CAPN10: variants seen among roughly 807,000 people sequenced by gnomAD.
CAPN10 encodes the protein calpain-10.
CAPN10 carries 71 observed loss-of-function variants against 78.4 expected under a neutral mutation model. The observed-to-expected ratio is 0.91, with a 90% CI of 0.75 to 1.10. The LOEUF (loss-of-function observed/expected upper bound fraction) is 1.10, where lower values mean the gene tolerates loss of function less well. CAPN10 is among the 50% of genes least tolerant of loss of function. The pLI, the probability that CAPN10 is intolerant of heterozygous loss-of-function variation, is 0.00. For missense variants in CAPN10, 849 were observed against 924.6 expected (o/e 0.92, Z 1.06); for synonymous variants, 437 against 407.2 (o/e 1.07, Z -0.88).
Position 240,586,836 on chromosome 2 carries a change from G to T in CAPN10, c.-76G>T. ...ACGGGCGGGGCGGGCCGGAGGCGGC[G>T]GCGGCTGACTCGCCTTCTCTCCGGG... On this transcript the variant is annotated 5_prime_UTR_variant, in exon 1 of 12. Coordinates refer to ENST00000391984, the MANE Select transcript of CAPN10 (RefSeq NM_023083.4). The T allele has an allele frequency of 7.8e-7, 1 of 1,275,260 alleles. No homozygotes were observed. Among genetic ancestry groups the T allele is most frequent in the African/African-American group, 1.6e-5 (1 of 64,046 alleles). 79.0% of individuals were successfully genotyped at this position (1,275,260 alleles called of 1,614,324 possible).
rs2093070422 is a variant in CAPN10 at position 240,586,800 on chromosome 2, C to A, written c.-112C>A. 6 of 1,113,516 alleles carry A rather than the reference C, an allele frequency of 5.4e-6. No homozygotes were observed. The highest frequency in any genetic ancestry group is 7.0e-6 in the Non-Finnish European group (6 of 862,090). 69.0% of individuals were successfully genotyped at this position (1,113,516 alleles called of 1,614,324 possible). A position where few individuals can be genotyped will look rare whatever the true frequency, so the allele number is the denominator to read the frequency against. ...GGGCCCTCGGGCTTGGAGGGCTGGG[C>A]CGGGCGGGGAACGGGCGGGGCGGGC... On this transcript the variant is annotated 5_prime_UTR_variant, in exon 1 of 12. Coordinates refer to ENST00000391984, the MANE Select transcript of CAPN10 (RefSeq NM_023083.4).
intron 1 of CAPN10, among the ~76,000 whole-genome samples, chr2:240,588,960 G>A: frequency 7.1e-6 from 1 of 141,800 alleles, no homozygotes; most frequent in Middle Eastern, 3.2e-3. Context: ...GAAGGTATAT[G>A]ATAGTTAGGG....
Position 240,595,190 on chromosome 2 carries a change from C to T in CAPN10, c.1164C>T (p.His388=), listed in dbSNP as rs200622375. The T allele has an allele frequency of 5.0e-6, 8 of 1,613,812 alleles. No homozygotes were observed. In the East Asian group the frequency reaches 1.1e-4, roughly 22 times the overall value. The change falls in exon 7 of 12, where the codon CAC becomes CAT. Residue 388 remains histidine (H), a synonymous_variant. Coordinates refer to ENST00000391984, the MANE Select transcript of CAPN10 (RefSeq NM_023083.4). ...CCGTCCTGCAGAGATCCAGGCTGCA[C>T]GCGGCGGACTGGGCAGGCCGGGCCC... ...YIAVLQRSRL[H]AADWAGRARA... is the part of the protein sequence containing the mutation.
chr2:240,590,676 C>G, intron 2 of CAPN10, 139 bp from the exon 3 acceptor site: 1 of 654,964 alleles, frequency 1.5e-6, no homozygotes, highest in Non-Finnish European at 2.6e-6. Flanking sequence ...CTGCGACATC[C>G]AGGTGTGCGT....
In CAPN10 at chr2:240,596,334, G is replaced by C. The variant is rs1020715828; in HGVS notation, c.1294G>C (p.Val432Leu). The C allele has an allele frequency of 6.2e-7, 1 of 1,601,332 alleles. No homozygotes were observed. The highest frequency in any genetic ancestry group is 1.3e-5 in the African/African-American group (1 of 74,710). Residue 432 changes from valine (V) to leucine (L), a missense_variant, in exon 8 of 12, where the codon GTC becomes CTC. Transcript: ENST00000391984. Reference protein sequence around the residue: ...LHLWKVEKRRVNLPRVLSMPP... With the variant: ...LHLWKVEKRRLNLPRVLSMPP... The stretch of plus-strand genomic sequence containing the variant: ...GTGCTCACAGGTAGAGAAGCGGCGG[G>C]TCAATCTGCCTAGGGTCCTGTCCAT...
intron 1 of CAPN10, among the ~76,000 whole-genome samples, chr2:240,588,887 G>T (rs2093084026): frequency 6.6e-6 from 1 of 152,136 alleles, no homozygotes; most frequent in South Asian, 2.1e-4. Flanking sequence ...CAGGAGGCAA[G>T]GTCGAAGCTC....
chr2:240,598,111 G>C, intron 10 of CAPN10, 24 bp downstream of exon 10: 1 of 1,590,236 alleles, frequency 6.3e-7, no homozygotes, highest in Non-Finnish European at 8.6e-7. Context: ...ACTTGGGGGC[G>C]GCCAGCTGGA....
rs1396442530 is a variant in CAPN10, at chr2:240,590,967, G to A, written c.426G>A (p.Arg142=). 1 of 1,614,094 alleles carries A rather than the reference G, an allele frequency of 6.2e-7. No individual in the cohort carries two copies. Among genetic ancestry groups the A allele is most frequent in the East Asian group, 2.2e-5 (1 of 44,894 alleles). The change falls in exon 3 of 12, where the codon AGG becomes AGA. Residue 142 remains arginine (R), a synonymous_variant. Transcript: ENST00000391984. ...GACTCTGTTTCTCCCGCTGCCAGAG[G>A]GAGGATGTGTTCTGGCTCCCCTTAC... ...AGRLCFSRCQ[R]EDVFWLPLLE...
Position 240,596,728 on chromosome 2 carries a change from C to T in CAPN10, c.1529C>T (p.Pro510Leu), listed in dbSNP as rs540417767. ...AACACCACCCCCGGGGCAGCCCTGC[C>T]TGCGGGGGAGTGGGGGACCGTGCAG... ...AKNTTPGAAL[P>L]AGEWGTVQLR... The change falls in exon 9 of 12, where the codon CCT becomes CTT. Residue 510 changes from proline to leucine, a missense_variant. Physicochemically the swap from Pro to Leu is moderately conservative, Grantham distance 98 (BLOSUM62 -3). Transcript: ENST00000391984. The T allele has an allele frequency of 1.3e-6, 2 of 1,589,268 alleles. No homozygotes were observed. Among genetic ancestry groups the T allele is most frequent in the East Asian group, 4.5e-5 (2 of 44,644 alleles).
chr2:240,596,481 T>G lies in CAPN10; in HGVS notation c.1441T>G (p.Phe481Val). Residue 481 changes from phenylalanine to valine, a missense_variant, in exon 8 of 12, where the codon TTC becomes GTC. Physicochemically the swap from Phe to Val is conservative, Grantham distance 50 (BLOSUM62 -1). Transcript: ENST00000391984. ...STFLKDAPGE[F>V]LLRVFSTGRV... The stretch of plus-strand genomic sequence containing the variant: ...CTTCCTGAAGGACGCGCCAGGGGAG[T>G]TCCTGCTCCGAGTCTTCTCTACCGG... 2 of 1,611,886 alleles carry G rather than the reference T, an allele frequency of 1.2e-6. No individual in the cohort carries two copies. Among genetic ancestry groups the G allele is most frequent in the Non-Finnish European group, 1.7e-6 (2 of 1,178,686 alleles).
At chr2:240,595,346 G>T (rs1372498135) in intron 7 of CAPN10, 42 bp downstream of exon 7, 3 of 1,597,032 alleles carry the variant, frequency 1.9e-6, no homozygotes, top group African/African-American at 2.7e-5. Context: ...TCAGCAGGTG[G>T]TGTGGAGGCC....
chr2:240,598,104 TG>T lies in CAPN10; in HGVS notation c.1943+22del. On this transcript the variant is annotated intron_variant, in intron 10 of 11. Transcript: ENST00000391984. ...GATTGACAGGTGGGGCTCTGGGACT[TG>T]GGGGCGGCCAGCTGGAGGCTGGGGT... The T allele has an allele frequency of 1.9e-6, 3 of 1,595,900 alleles. No homozygotes were observed. Among genetic ancestry groups the T allele is most frequent in the Non-Finnish European group, 2.6e-6 (3 of 1,167,762 alleles).
rs370774447 is a variant in CAPN10, at chr2:240,596,409, C to T, written c.1369C>T (p.Leu457=). Residue 457 remains leucine (L), a synonymous_variant, in exon 8 of 12, where the codon CTG becomes TTG. Transcript: ENST00000391984. ...ACHAYDREVH[L]RCELSPGYYL... ...CCATGCATACGACCGGGAGGTCCAC[C>T]TGCGTTGTGAGCTCTCACCGGGCTA... 14 of 1,613,514 alleles carry T rather than the reference C, an allele frequency of 8.7e-6. No homozygotes were observed. The African/African-American group carries it at 1.9e-4, about 22-fold the overall frequency.
chr2:240,593,772 C>A, intron 4 of CAPN10, 134 bp from the exon 5 acceptor site: 1 of 1,031,440 alleles, frequency 9.7e-7, no homozygotes, highest in Non-Finnish European at 1.4e-6. Context: ...CCATGGGGAT[C>A]TGGGGTCTCC....
At position 240,598,630 on chromosome 2, in the gene CAPN10, G is replaced by A. The variant is rs190061097; in HGVS notation, c.1990-21G>A. 8 of 1,571,404 alleles carry A rather than the reference G, an allele frequency of 5.1e-6. No individual in the cohort carries two copies. The African/African-American group carries it at 8.1e-5, about 16-fold the overall frequency. ...AGGGGCGAGTGCCACCGCTGCCCGG[G>A]CCCCCCATCTGTCTTTGCAGGTCTC... On this transcript the variant is annotated intron_variant, in intron 11 of 11. Coordinates refer to ENST00000391984, the MANE Select transcript of CAPN10 (RefSeq NM_023083.4).
intron 9 of CAPN10, 88 bp downstream of exon 9, chr2:240,597,030 T>G: frequency 6.5e-7 from 1 of 1,529,398 alleles, no homozygotes; most frequent in Non-Finnish European, 9.0e-7. Flanking sequence ...AACAGAGGGC[T>G]CTGGGCTCAG....
At chr2:240,597,834 T>G (rs1239519982) in intron 9 of CAPN10, 54 bp from the exon 10 acceptor site, 1 of 1,497,366 alleles carries the variant, frequency 6.7e-7, no homozygotes, top group African/African-American at 1.4e-5. Flanking sequence ...GGCCCTGGGC[T>G]GGGCTCCCTA....
intron 7 of CAPN10, chr2:240,596,035 C>T: frequency 1.3e-5 from 19 of 1,500,638 alleles, no homozygotes; most frequent in Non-Finnish European, 1.7e-5. Context: ...GGCCCACTGT[C>T]CAGCAGCCCC....
chr2:240,594,711 T>C lies in CAPN10; in HGVS notation c.997+2T>C. On this transcript the variant is annotated splice_donor_variant, in intron 6 of 11. Transcript: ENST00000391984. LOFTEE classifies it high-confidence loss of function. ...GCCACCTGCAGAGCCTCTACACAGG[T>C]AGTGCCCCGAGGGGCTGTGCTGGGC... is the stretch of plus-strand genomic sequence containing the variant. 1 of 1,611,792 alleles carries C rather than the reference T, an allele frequency of 6.2e-7. No homozygotes were observed. The highest frequency in any genetic ancestry group is 8.5e-7 in the Non-Finnish European group (1 of 1,178,948).
Sources: allele counts gnomAD v4.1 joint callset (sites outside exome capture counted in the v4.1 genomes callset), GRCh38; gene constraint gnomAD v4.1.1; transcripts MANE v1.5; gene names NCBI Gene and HGNC (gene_info 2026-07-23, HGNC 2026-07-21).